The following ADARB2 variants were observed in gnomAD, a reference collection of about 807,000 sequenced individuals.
The protein encoded by ADARB2 is inactive double-stranded RNA-specific editase B2.
In ADARB2, 25 loss-of-function variants were observed where a neutral mutation model predicts 62.2. The observed-to-expected ratio is 0.40, with a 90% CI of 0.29 to 0.56. The LOEUF is 0.56. Ranked by LOEUF, ADARB2 falls within the 20% of genes least tolerant of loss-of-function variation. The probability of loss-of-function intolerance (pLI) is 0.43; values close to 1 mark genes in which losing one functional copy is unlikely to be tolerated. For missense variants in ADARB2, 1,071 were observed against 1,077.4 expected, an observed-to-expected ratio of 0.99 and a Z score of 0.08; for synonymous variants, 572 against 500.8, an observed-to-expected ratio of 1.14 and a Z score of -1.90.
At chr10:1,410,116 G>A (rs1354103596) in intron 1 of ADARB2, among the ~76,000 whole-genome samples, 10 of 149,810 alleles carry the variant, frequency 6.7e-5, no homozygotes, top group African/African-American at 2.5e-4. Context: ...AGGCCTGGCC[G>A]TGGTCATAGG....
intron 6 of ADARB2, among the ~76,000 whole-genome samples, chr10:1,222,627 T>C (rs945461500): frequency 4.7e-5 from 7 of 148,790 alleles, no homozygotes; most frequent in Non-Finnish European, 7.4e-5. Context: ...TTCAGCTTTC[T>C]ACATATGGCT....
chr10:1,678,981 T>C (rs1314736698), intron 1 of ADARB2, among the ~76,000 whole-genome samples: 2 of 152,222 alleles, frequency 1.3e-5, no homozygotes, highest in East Asian at 3.9e-4. Flanking sequence ...CAATGCCCAC[T>C]GGATGCAGAC....
At chr10:1,487,103 G>A (rs575858147) in intron 1 of ADARB2, among the ~76,000 whole-genome samples, 8 of 152,350 alleles carry the variant, frequency 5.3e-5, no homozygotes, top group African/African-American at 1.9e-4. Flanking sequence ...TGCCGTGGGA[G>A]CCCGGATGCT....
chr10:1,242,714 C>A (rs2131777469), intron 4 of ADARB2, among the ~76,000 whole-genome samples: 1 of 152,318 alleles, frequency 6.6e-6, no homozygotes, highest in South Asian at 2.1e-4. Flanking sequence ...TTTCTCCTGT[C>A]CTCCAACGGG....
chr10:1,717,608 C>T lies in ADARB2; in HGVS notation c.100+19443G>A, dbSNP rs117762925. Among the ~76,000 whole-genome samples, 850 of 150,032 alleles carry T rather than the reference C, an allele frequency of 5.7e-3. 8 individuals carry two copies. The highest frequency in any genetic ancestry group is 0.02 in the Middle Eastern group (6 of 294). Reference sequence around the variant, plus strand: ...CTTTCTTCTTTTTTTGAGACAGTCTCGTTCTGTCACCAAGTCTGGAGTGCA... The same window carrying T: ...CTTTCTTCTTTTTTTGAGACAGTCTTGTTCTGTCACCAAGTCTGGAGTGCA... On this transcript the variant is annotated intron_variant, in intron 1 of 9. Coordinates refer to ENST00000381312, the MANE Select transcript of ADARB2 (RefSeq NM_018702.4).
At chr10:1,603,125 C>T (rs1368328406) in intron 1 of ADARB2, among the ~76,000 whole-genome samples, 1 of 150,716 alleles carries the variant, frequency 6.6e-6, no homozygotes, top group African/African-American at 2.5e-5. Context: ...ACACACACAC[C>T]TATACACACA....
chr10:1,250,745 T>A (rs1319116958), intron 4 of ADARB2, among the ~76,000 whole-genome samples: 2 of 152,168 alleles, frequency 1.3e-5, no homozygotes, highest in Non-Finnish European at 2.9e-5. Context: ...ACTAAGATAG[T>A]TATTTGTTTT....
At chr10:1,640,722 A>G (rs1343737665) in intron 1 of ADARB2, among the ~76,000 whole-genome samples, 4 of 152,224 alleles carry the variant, frequency 2.6e-5, no homozygotes. Context: ...TTTATGGACA[A>G]TCTTCTGAAA....
At chr10:1,686,618 C>T (rs2119121873) in intron 1 of ADARB2, among the ~76,000 whole-genome samples, 1 of 152,290 alleles carries the variant, frequency 6.6e-6, no homozygotes, top group South Asian at 2.1e-4. Context: ...GCTTCCGGCA[C>T]ACAATTAGCT....
At chr10:1,635,456 G>C (rs1833907494) in intron 1 of ADARB2, among the ~76,000 whole-genome samples, 2 of 152,182 alleles carry the variant, frequency 1.3e-5, no homozygotes, top group Non-Finnish European at 2.9e-5. Flanking sequence ...GAAAGCATTA[G>C]TGTCAAATTT....
chr10:1,507,912 C>T lies in ADARB2; in HGVS notation c.101-128752G>A, dbSNP rs575772859. Among the ~76,000 whole-genome samples the T allele has an allele frequency of 2.1e-4, 32 of 152,320 alleles. No homozygotes were observed. The South Asian group carries it at 6.6e-3, about 32-fold the overall frequency. On this transcript the variant is annotated intron_variant, in intron 1 of 9. Coordinates refer to ENST00000381312, the MANE Select transcript of ADARB2 (RefSeq NM_018702.4). ...CAGGGTGGGACAGGCAGCGATGGCT[C>T]TTCCACTGGCCTCTGGGTCCTTCAG...
rs561451381 is a variant in ADARB2 at position 1,342,020 on chromosome 10, T to C, written c.1077+21008A>G. On this transcript the variant is annotated intron_variant, in intron 3 of 9. Transcript: ENST00000381312. ...CCAGGCTCATTGATCATGGTATTGC[T>C]ACATTTTCTTTCAGCCAGGTTTTGT... is the stretch of plus-strand genomic sequence containing the variant. 5.1e-4 allele frequency among the ~76,000 whole-genome samples: 77 copies of C among 152,360 alleles called. 1 individual carries two copies. The highest frequency in any genetic ancestry group is 1.7e-3 in the African/African-American group (69 of 41,586).
chr10:1,594,205 G>T (rs973709866), intron 1 of ADARB2, among the ~76,000 whole-genome samples: 1 of 152,102 alleles, frequency 6.6e-6, no homozygotes, highest in Non-Finnish European at 1.5e-5. Context: ...CAGGAGAATC[G>T]CTTAAAATCC....
intron 1 of ADARB2, among the ~76,000 whole-genome samples, chr10:1,614,296 C>A (rs1452885564): frequency 1.3e-5 from 2 of 152,194 alleles, no homozygotes; most frequent in African/African-American, 4.8e-5. Flanking sequence ...AAAATAGATA[C>A]TGTTCTCTCC....
chr10:1,615,070 GCAAA>G (rs1462465929), intron 1 of ADARB2, among the ~76,000 whole-genome samples: 1 of 152,096 alleles, frequency 6.6e-6, no homozygotes, highest in Non-Finnish European at 1.5e-5. Context: ...GTAAAAAACA[GCAAA>G]CAAAGTTACT....
intron 1 of ADARB2, among the ~76,000 whole-genome samples, chr10:1,527,135 G>C (rs1832156813): frequency 6.6e-6 from 1 of 152,168 alleles, no homozygotes; most frequent in South Asian, 2.1e-4. Flanking sequence ...ATGACAAAGG[G>C]AAAGAATTCT....
chr10:1,378,997 G>A (rs781084283), intron 2 of ADARB2, 77 bp downstream of exon 2: 8 of 1,278,710 alleles, frequency 6.3e-6, no homozygotes, highest in Non-Finnish European at 9.1e-6. Context: ...GGTATCTCAG[G>A]TTTTGGGGAC....
intron 1 of ADARB2, among the ~76,000 whole-genome samples, chr10:1,395,492 A>T (rs1228805701): frequency 6.6e-6 from 1 of 152,164 alleles, no homozygotes; most frequent in Non-Finnish European, 1.5e-5. Context: ...CCGCAGCCTC[A>T]TACTTGCTGT....
intron 1 of ADARB2, among the ~76,000 whole-genome samples, chr10:1,571,184 T>G (rs1403575194): frequency 1.3e-5 from 2 of 152,218 alleles, no homozygotes; most frequent in African/African-American, 2.4e-5. Context: ...CCCTCGCATT[T>G]GAACATCTGC....
Sources: allele counts gnomAD v4.1 joint callset (sites outside exome capture counted in the v4.1 genomes callset), GRCh38; gene constraint gnomAD v4.1.1; transcripts MANE v1.5; gene names NCBI Gene and HGNC (gene_info 2026-07-23, HGNC 2026-07-21).